Variants in CENPM observed in about 807,000 individuals in gnomAD.
The protein encoded by CENPM is interphase centromere complex protein 39.
Under a neutral mutation model 19.6 loss-of-function variants are expected in CENPM, and 14 were observed. The ratio of observed to expected loss-of-function variants is 0.71; its 90% CI spans 0.47 to 1.11. The LOEUF is 1.11. CENPM is among the 50% of genes most tolerant of loss of function. CENPM has a pLI of 0.00. For synonymous variants in CENPM, 114 were observed against 101.5 expected (o/e 1.12, Z -0.74); for missense variants, 239 against 228.4 (o/e 1.05, Z -0.30).
At chr22:41,933,884 G>A (rs1602379981), downstream of CENPM, among the ~76,000 whole-genome samples, 1 of 152,190 alleles carries the variant, frequency 6.6e-6, no homozygotes, top group African/African-American at 2.4e-5. Flanking sequence ...AGAACCCCAC[G>A]GCTCTCCTCG....
intron 2 of CENPM, 104 bp downstream of exon 2, chr22:41,946,313 C>T: frequency 2.1e-6 from 2 of 970,802 alleles, no homozygotes; most frequent in South Asian, 1.5e-5. Context: ...GGAGAAGGAC[C>T]AGCCTCAGAG....
At chr22:41,945,447 ATTTT>A (rs377012454) in intron 3 of CENPM, 143 bp from the exon 4 acceptor site, 845 of 1,096,992 alleles carry the variant, frequency 7.7e-4, no homozygotes, top group East Asian at 1.0e-3. Flanking sequence ...TTGTCCTTTA[ATTTT>A]TTTTTTTTTT....
chr22:41,946,357 G>T, intron 2 of CENPM, 60 bp downstream of exon 2: 1 of 1,429,394 alleles, frequency 7.0e-7, no homozygotes, highest in South Asian at 1.2e-5. Context: ...TTAGCAGCTA[G>T]GACCGAATCC....
At chr22:41,942,615 G>C (rs1038251170) in intron 5 of CENPM, among the ~76,000 whole-genome samples, 5 of 152,224 alleles carry the variant, frequency 3.3e-5, no homozygotes, top group African/African-American at 1.2e-4. Context: ...GCTGGGCGTG[G>C]TGGTGGGTGC....
chr22:41,943,644 G>C lies in CENPM; in HGVS notation c.368C>G (p.Thr123Ser), dbSNP rs1336870601. 1.9e-6 allele frequency: 3 copies of C among 1,613,902 alleles called. No individual in the cohort carries two copies. The highest frequency in any genetic ancestry group is 1.7e-4 in the Middle Eastern group (1 of 6,000). ...HRHTVVKLAH[T>S]YQSPLLYCDL... ...ACAGTAGAGCAGGGGGCTTTGATAG[G>C]TGTGGGCCAGCTTCACCACGGTGTG... Residue 123 changes from threonine (T) to serine (S), a missense_variant, in exon 5 of 6, where the codon ACC becomes AGC. Physicochemically the swap from Thr to Ser is moderately conservative, Grantham distance 58. Coordinates refer to ENST00000215980, the MANE Select transcript of CENPM (RefSeq NM_024053.5).
chr22:41,938,706 T>C (rs764616493), downstream of CENPM: 38 of 213,838 alleles, frequency 1.8e-4, no homozygotes, highest in Admixed American at 2.2e-4. Context: ...AGTTTCCTCA[T>C]CTACAAAGTC....
intron 5 of CENPM, chr22:41,940,198 G>A (rs747360035): frequency 1.2e-5 from 9 of 760,152 alleles, no homozygotes; most frequent in African/African-American, 3.4e-5. Context: ...CTCCTTCCAC[G>A]AGGTATCTCC....
chr22:41,944,882 G>C (rs2077780996), intron 4 of CENPM: 3 of 1,107,710 alleles, frequency 2.7e-6, no homozygotes, highest in Non-Finnish European at 3.3e-6. Context: ...TAGAAAGGCT[G>C]ACAACAGGTC....
chr22:41,933,080 G>A, the CENPM span, among the ~76,000 whole-genome samples: 1 of 152,148 alleles, frequency 6.6e-6, no homozygotes, highest in African/African-American at 2.4e-5. Context: ...AGGCCTGGTG[G>A]ATGGTGACCT....
chr22:41,942,103 G>A (rs1421969918), intron 5 of CENPM, among the ~76,000 whole-genome samples: 3 of 152,122 alleles, frequency 2.0e-5, no homozygotes, highest in East Asian at 1.9e-4. Flanking sequence ...CTTTGCTTTC[G>A]GTAACAGGCA....
chr22:41,944,425 G>A (rs1287928613), intron 4 of CENPM, among the ~76,000 whole-genome samples: 1 of 124,206 alleles, frequency 8.1e-6, no homozygotes, highest in African/African-American at 3.3e-5. Flanking sequence ...GGCTGAGCGA[G>A]ACTCCGTCTC....
intron 5 of CENPM, among the ~76,000 whole-genome samples, chr22:41,939,728 T>C (rs1045547037): frequency 7.9e-6 from 1 of 125,958 alleles, no homozygotes; most frequent in Non-Finnish European, 1.7e-5. Context: ...GCACAGATGT[T>C]CTAGACACGT....
At chr22:41,943,555 C>T in intron 5 of CENPM, 55 bp downstream of exon 5, 3 of 1,505,680 alleles carry the variant, frequency 2.0e-6, no homozygotes, top group South Asian at 1.2e-5. Context: ...TGTGTGCTGA[C>T]CACCCTTTCC....
chr22:41,945,116 TA>T, intron 4 of CENPM, 108 bp downstream of exon 4: 7 of 1,571,888 alleles, frequency 4.5e-6, no homozygotes, highest in Non-Finnish European at 6.0e-6. Flanking sequence ...CCAGTGTGTG[TA>T]AAATACATGC....
chr22:41,938,823 A>G lies in CENPM; in HGVS notation c.*233T>C. On this transcript the variant is annotated 3_prime_UTR_variant, in exon 6 of 6. Coordinates refer to ENST00000215980, the MANE Select transcript of CENPM (RefSeq NM_024053.5). Reference sequence around the variant, plus strand: ...TAACACGCCAGCTGCTTAAAGACACAGGCTCTGCAAGAGTGAGTGTGGGAG... The same window carrying G: ...TAACACGCCAGCTGCTTAAAGACACGGGCTCTGCAAGAGTGAGTGTGGGAG... 1 of 476,100 alleles carries G rather than the reference A, an allele frequency of 2.1e-6. No individual in the cohort carries two copies. Among genetic ancestry groups the G allele is most frequent in the Non-Finnish European group, 3.7e-6 (1 of 268,784 alleles). 29.5% of individuals were successfully genotyped at this position (476,100 alleles called of 1,614,324 possible). A position where few individuals can be genotyped will look rare whatever the true frequency, so the allele number is the denominator to read the frequency against.
intron 3 of CENPM, 99 bp downstream of exon 3, chr22:41,945,814 C>T: frequency 2.2e-6 from 2 of 921,710 alleles, no homozygotes; most frequent in Non-Finnish European, 3.4e-6. Context: ...CCAGCCTCTC[C>T]CATCCTCACC....
At position 41,939,143 on chromosome 22, in the gene CENPM, G is replaced by T. The variant is rs138055602; in HGVS notation, c.456C>A (p.Ile152=). ...AGACACCGGGCACGTGGCCAGCACA[G>T]ATCTGCAGCACGCGCACCAGGCGCT... ...MAQRLVRVLQ[I]CAGHVPGVSA... The change falls in exon 6 of 6, where the codon ATC becomes ATA. Residue 152 remains isoleucine (I), a synonymous_variant. Coordinates refer to ENST00000215980, the MANE Select transcript of CENPM (RefSeq NM_024053.5). The T allele has an allele frequency of 5.6e-6, 9 of 1,612,754 alleles. No homozygotes were observed. The highest frequency in any genetic ancestry group is 7.6e-6 in the Non-Finnish European group (9 of 1,179,930).
At chr22:41,944,911 A>T in intron 4 of CENPM, 1 of 1,201,824 alleles carries the variant, frequency 8.3e-7, no homozygotes, top group Non-Finnish European at 1.0e-6. Context: ...AAGTATGTGT[A>T]TATGTGTTCT....
At chr22:41,928,742 C>G in the CENPM span, among the ~76,000 whole-genome samples, 1 of 152,058 alleles carries the variant, frequency 6.6e-6, no homozygotes, top group Non-Finnish European at 1.5e-5. The surrounding 1 kb of genome is among the most constrained non-coding windows in gnomAD (Gnocchi z 4.0). Context: ...GGGCAGGGCA[C>G]CAGTCCCGGG....
Sources: allele counts gnomAD v4.1 joint callset (sites outside exome capture counted in the v4.1 genomes callset), GRCh38; gene constraint gnomAD v4.1.1; non-coding constraint Gnocchi (gnomAD v3.1); transcripts MANE v1.5; gene names NCBI Gene and HGNC (gene_info 2026-07-23, HGNC 2026-07-21).